Variants in UNC5A observed in about 807,000 individuals in gnomAD.
UNC5A encodes the protein netrin receptor UNC5A.
In UNC5A, 20 loss-of-function variants were observed where a neutral mutation model predicts 87.4. That is an observed-to-expected ratio of 0.23 (90% CI 0.16 to 0.33). The LOEUF (loss-of-function observed/expected upper bound fraction) is 0.33. Among genes scored for constraint, UNC5A ranks in the 10% least tolerant of loss-of-function variants. The pLI is 1.00. For missense variants in UNC5A, 844 were observed against 1,133.4 expected (o/e 0.74, Z 3.67); for synonymous variants, 438 against 482.3 (o/e 0.91, Z 1.20).
rs1756426759 is a variant in UNC5A, at chr5:176,810,687, G to A, written c.-64G>A. The A allele has an allele frequency of 6.2e-6, 4 of 642,178 alleles. No individual in the cohort carries two copies. In the South Asian group the frequency reaches 2.7e-4, roughly 43 times the overall value. The allele number at this position is 642,178 out of a possible 1,614,324, so 39.8% of individuals were successfully genotyped here. ...CCGAGCTGGGGCTCCGGGCTGAGGCGCTAAAGCCGCCCTCCCGCCCGCGGG... is the reference window on the plus strand; with the variant it reads ...CCGAGCTGGGGCTCCGGGCTGAGGCACTAAAGCCGCCCTCCCGCCCGCGGG... On this transcript the variant is annotated 5_prime_UTR_variant, in exon 1 of 15. Transcript: ENST00000329542. The surrounding 1 kb of genome is among the most constrained non-coding windows in gnomAD (Gnocchi z 7.3).
chr5:176,877,332 C>G (rs370685225), intron 9 of UNC5A, 53 bp downstream of exon 9: 3 of 1,514,730 alleles, frequency 2.0e-6, no homozygotes, highest in Non-Finnish European at 9.1e-7. Context: ...CTGCTGCCTT[C>G]GGTCCCCAGG....
chr5:176,833,642 A>G (rs1400576917), intron 1 of UNC5A, among the ~76,000 whole-genome samples: 1 of 151,902 alleles, frequency 6.6e-6, no homozygotes, highest in African/African-American at 2.4e-5. Flanking sequence ...AGCATAGCCC[A>G]TGAGTCTCTG....
At position 176,875,902 on chromosome 5, in the gene UNC5A, C is replaced by A. The variant is rs182161056; in HGVS notation, c.1379-1290C>A. On this transcript the variant is annotated intron_variant, in intron 8 of 14. Transcript: ENST00000329542. The surrounding 1 kb of genome is among the most constrained non-coding windows in gnomAD (Gnocchi z 5.2). ...TTGCCGTCTGTGCCTCACGTCCACA[C>A]GGATGATAACGAACCCCTCATGGGG... 1.3e-5 allele frequency among the ~76,000 whole-genome samples: 2 copies of A among 152,336 alleles called. No homozygotes were observed. Among genetic ancestry groups the A allele is most frequent in the East Asian group, 1.9e-4 (1 of 5,164 alleles).
Position 176,868,179 on chromosome 5 carries a change from G to A in UNC5A, c.342G>A (p.Glu114=), listed in dbSNP as rs1432418040. 1 of 1,613,746 alleles carries A rather than the reference G, an allele frequency of 6.2e-7. No homozygotes were observed. The highest frequency in any genetic ancestry group is 1.1e-5 in the South Asian group (1 of 91,076). Residue 114 remains glutamate (E), a synonymous_variant, in exon 3 of 15, where the codon GAG becomes GAA. Transcript: ENST00000329542. The part of the protein sequence containing the change: ...VRINVSRQQV[E]KVFGLEEYWC... ...TTAATGTCTCAAGGCAGCAGGTCGA[G>A]AAGGTGTTCGGGCTGGAGGAATACT...
In UNC5A at chr5:176,865,546, T is replaced by C. The variant is rs1297198510; in HGVS notation, c.293-2584T>C. 4.4e-6 allele frequency: 2 copies of C among 455,310 alleles called. No individual in the cohort carries two copies. The highest frequency in any genetic ancestry group is 2.4e-5 in the Admixed American group (1 of 42,526). The allele number at this position is 455,310 out of a possible 1,614,324, so 28.2% of individuals were successfully genotyped here. ...CTGCCCCGAGCATCCGACTCCAGCC[T>C]CCCATGGCCGGAACATCTGAACGTT... is the stretch of plus-strand genomic sequence containing the variant. On this transcript the variant is annotated intron_variant, in intron 2 of 14. Coordinates refer to ENST00000329542, the MANE Select transcript of UNC5A (RefSeq NM_133369.3). This position sits in a 1 kb window ranked among gnomAD's most constrained non-coding sequence, Gnocchi z 5.3.
At position 176,865,784 on chromosome 5, in the gene UNC5A, G is replaced by A; in HGVS notation, c.293-2346G>A. ...CCACTCATTCATGTGTGGGGCTGGA[G>A]GTGGCCGGATGGACACCCAGGAGAG... On this transcript the variant is annotated intron_variant, in intron 2 of 14. Transcript: ENST00000329542. The surrounding 1 kb of genome is among the most constrained non-coding windows in gnomAD (Gnocchi z 5.3). 2.4e-6 allele frequency: 1 copy of A among 418,390 alleles called. No individual in the cohort carries two copies. Among genetic ancestry groups the A allele is most frequent in the South Asian group, 1.7e-5 (1 of 58,922 alleles). 25.9% of individuals were successfully genotyped at this position (418,390 alleles called of 1,614,324 possible). A position where few individuals can be genotyped will look rare whatever the true frequency, so the allele number is the denominator to read the frequency against.
intron 1 of UNC5A, among the ~76,000 whole-genome samples, chr5:176,821,821 G>A (rs968403399): frequency 6.6e-6 from 1 of 152,186 alleles, no homozygotes; most frequent in African/African-American, 2.4e-5. Flanking sequence ...GCCTTCCCCT[G>A]CAGGACCTAT....
In UNC5A at chr5:176,824,199, A is replaced by T. The variant is rs1756796694; in HGVS notation, c.70+13379A>T. Reference sequence around the variant, plus strand: ...ATGCAGGTTCCGACACTGGCCCAGGACTATTTCCCCCATGTGTGGAAAGCG... The same window carrying T: ...ATGCAGGTTCCGACACTGGCCCAGGTCTATTTCCCCCATGTGTGGAAAGCG... On this transcript the variant is annotated intron_variant, in intron 1 of 14. Coordinates refer to ENST00000329542, the MANE Select transcript of UNC5A (RefSeq NM_133369.3). The surrounding 1 kb of genome is among the most constrained non-coding windows in gnomAD (Gnocchi z 4.2). 6.6e-6 allele frequency among the ~76,000 whole-genome samples: 1 copy of T among 152,222 alleles called. No homozygotes were observed. Among genetic ancestry groups the T allele is most frequent in the African/African-American group, 2.4e-5 (1 of 41,454 alleles).
At chr5:176,842,742 T>C (rs190664332) in intron 1 of UNC5A, among the ~76,000 whole-genome samples, 1 of 152,204 alleles carries the variant, frequency 6.6e-6, no homozygotes, top group East Asian at 1.9e-4. Flanking sequence ...AGACTACAAA[T>C]AGGGTATAGT....
chr5:176,830,622 G>T (rs548274675), intron 1 of UNC5A, among the ~76,000 whole-genome samples: 1 of 143,650 alleles, frequency 7.0e-6, no homozygotes, highest in Non-Finnish European at 1.5e-5. Context: ...GTGCGCTGGC[G>T]TGTGTGTGTG....
intron 6 of UNC5A, among the ~76,000 whole-genome samples, chr5:176,872,648 A>G (rs1297857650): frequency 1.8e-3 from 208 of 113,966 alleles, no homozygotes; most frequent in African/African-American, 6.5e-3. Context: ...ATCTGCCCAC[A>G]CTCACCAACA....
intron 1 of UNC5A, among the ~76,000 whole-genome samples, chr5:176,845,401 T>C (rs1405978999): frequency 6.6e-6 from 1 of 152,228 alleles, no homozygotes; most frequent in East Asian, 1.9e-4. Flanking sequence ...GCTTATGCTG[T>C]TCATCGGCCT....
At chr5:176,860,193 C>CCACTGGG (rs1757800185) in intron 1 of UNC5A, among the ~76,000 whole-genome samples, 1 of 152,206 alleles carries the variant, frequency 6.6e-6, no homozygotes, top group East Asian at 1.9e-4. Flanking sequence ...ACAGGTGGGC[C>CCACTGGG]GGGAACCTGC....
At chr5:176,831,885 C>CTCTTTTTTTT (rs1561644956) in intron 1 of UNC5A, among the ~76,000 whole-genome samples, 17 of 27,692 alleles carry the variant, frequency 6.1e-4, no homozygotes, top group African/African-American at 9.1e-4. Context: ...TTCTCTCTCT[C>CTCTTTTTTTT]TTTTTTTTTT....
At chr5:176,868,536 G>A in intron 3 of UNC5A, 25 bp from the exon 4 acceptor site, 1 of 1,577,994 alleles carries the variant, frequency 6.3e-7, no homozygotes, top group Non-Finnish European at 8.6e-7. Context: ...CCTCAGACAG[G>A]AGGACACTCT....
chr5:176,858,039 C>G (rs1469439255), intron 1 of UNC5A, among the ~76,000 whole-genome samples: 1 of 152,244 alleles, frequency 6.6e-6, no homozygotes, highest in Admixed American at 6.5e-5. Flanking sequence ...TGGCAGTGTT[C>G]TCACACGCCC....
intron 1 of UNC5A, among the ~76,000 whole-genome samples, chr5:176,825,887 A>G (rs1756839716): frequency 1.3e-5 from 2 of 152,352 alleles, no homozygotes; most frequent in Non-Finnish European, 2.9e-5. Context: ...GCCCGGCGTC[A>G]GGTGCCACAG....
At chr5:176,830,987 T>A (rs1757008418) in intron 1 of UNC5A, among the ~76,000 whole-genome samples, 2 of 151,588 alleles carry the variant, frequency 1.3e-5, no homozygotes, top group East Asian at 1.9e-4. Context: ...TGTGTGTGTG[T>A]GAGATGGGAG....
intron 1 of UNC5A, among the ~76,000 whole-genome samples, chr5:176,839,643 G>A (rs1166895928): frequency 2.6e-5 from 4 of 152,152 alleles, no homozygotes; most frequent in Admixed American, 1.3e-4. Context: ...GCCCTGGCAG[G>A]GCCCGTGGCA....
Sources: allele counts gnomAD v4.1 joint callset (sites outside exome capture counted in the v4.1 genomes callset), GRCh38; gene constraint gnomAD v4.1.1; non-coding constraint Gnocchi (gnomAD v3.1); transcripts MANE v1.5; gene names NCBI Gene and HGNC (gene_info 2026-07-23, HGNC 2026-07-21).